The following SMAD4 variants were observed in gnomAD, a reference collection of about 807,000 sequenced individuals.
SMAD4 encodes SMAD family member 4.
A neutral mutation model predicts 63.2 loss-of-function variants in SMAD4; 7 were observed. The observed-to-expected ratio is 0.11, with a 90% confidence interval of 0.06 to 0.21. SMAD4 has a LOEUF of 0.21. SMAD4 is among the 10% of genes least tolerant of loss of function. The pLI, the probability that SMAD4 is intolerant of heterozygous loss-of-function variation, is 1.00. For synonymous variants in SMAD4, 215 were observed against 235.4 expected, an observed-to-expected ratio of 0.91 and a Z score of 0.79; for missense variants, 312 against 693.8, an observed-to-expected ratio of 0.45 and a Z score of 6.18.
intron 1 of SMAD4, among the ~76,000 whole-genome samples, chr18:51,034,211 TC>T (rs1287302275): frequency 1.4e-5 from 2 of 142,934 alleles, no homozygotes; most frequent in Non-Finnish European, 3.1e-5. Context: ...TCTCCCTCCC[TC>T]CCTCCCTTTC....
At chr18:51,061,600 G>T (rs115914439) in intron 8 of SMAD4, among the ~76,000 whole-genome samples, 8 of 152,052 alleles carry the variant, frequency 5.3e-5, no homozygotes, top group African/African-American at 1.9e-4. Context: ...TAAGCATACC[G>T]GAATAATACA....
intron 1 of SMAD4, among the ~76,000 whole-genome samples, chr18:51,038,298 G>A (rs985323789): frequency 3.3e-5 from 5 of 151,672 alleles, no homozygotes; most frequent in Non-Finnish European, 7.4e-5. Context: ...GGGAAGATCT[G>A]TGTAACTCAT....
intron 5 of SMAD4, 74 bp downstream of exon 5, chr18:51,055,067 G>C: frequency 9.2e-7 from 1 of 1,091,828 alleles, no homozygotes; most frequent in Non-Finnish European, 1.4e-6. Flanking sequence ...TAGTCACTTG[G>C]GGGGAAACTC....
chr18:51,053,461 A>G (rs1281379022), intron 4 of SMAD4: 1 of 151,966 alleles, frequency 6.6e-6, no homozygotes, highest in East Asian at 1.9e-4. Context: ...AGTTTTTTTT[A>G]TTGATACATA....
chr18:51,058,094 G>A (rs780675019), intron 5 of SMAD4, 31 bp from the exon 6 acceptor site: 1 of 1,609,942 alleles, frequency 6.2e-7, no homozygotes, highest in Non-Finnish European at 8.5e-7. Flanking sequence ...ATCTATGAAT[G>A]TACCATGTTA....
chr18:51,064,980 T>C (rs971162140), intron 8 of SMAD4, among the ~76,000 whole-genome samples: 2 of 152,208 alleles, frequency 1.3e-5, no homozygotes, highest in Non-Finnish European at 2.9e-5. Context: ...CATCTTAGGG[T>C]CAGTGTGTTT....
At position 51,067,180 on chromosome 18, in the gene SMAD4, A is replaced by T. The variant is rs780610518; in HGVS notation, c.1301A>T (p.Tyr434Phe). 1 of 1,565,978 alleles carries T rather than the reference A, an allele frequency of 6.4e-7. No individual in the cohort carries two copies. The highest frequency in any genetic ancestry group is 1.7e-5 in the Admixed American group (1 of 59,934). ...DAVHKIYPSA[Y>F]IKVFDLRQCH... ...GTTCATAAGATCTACCCAAGTGCATATATAAAGGTTAGTTACAATTTTATT... is the reference window on the plus strand; with the variant it reads ...GTTCATAAGATCTACCCAAGTGCATTTATAAAGGTTAGTTACAATTTTATT... Residue 434 changes from tyrosine (Y) to phenylalanine (F), a missense_variant, in exon 10 of 12, where the codon TAT becomes TTT. Tyr to Phe is a conservative substitution (Grantham distance 22). Coordinates refer to ENST00000342988, the MANE Select transcript of SMAD4 (RefSeq NM_005359.6).
At chr18:51,040,143 T>C (rs1042612789) in intron 1 of SMAD4, among the ~76,000 whole-genome samples, 1 of 152,098 alleles carries the variant, frequency 6.6e-6, no homozygotes, top group Non-Finnish European at 1.5e-5. Context: ...TTAAGCACTT[T>C]TGCGCCGGGC....
chr18:51,043,500 C>G (rs8089558), intron 1 of SMAD4, among the ~76,000 whole-genome samples: 1,526 of 152,262 alleles, frequency 0.01, 27 homozygotes, highest in African/African-American at 0.034. Context: ...TACCATACTT[C>G]CATAATCTAG....
chr18:51,047,303 T>G lies in SMAD4; in HGVS notation c.249+8T>G, dbSNP rs759197188. On this transcript the variant is annotated splice_region_variant and intron_variant, in intron 2 of 11. Transcript: ENST00000342988. Reference sequence around the variant, plus strand: ...TTGGATGGGAGGCTTCAGGTTAGTCTTATAAGAGTTTTTCTATACCCTCTA... The same window carrying G: ...TTGGATGGGAGGCTTCAGGTTAGTCGTATAAGAGTTTTTCTATACCCTCTA... The G allele has an allele frequency of 1.2e-6, 2 of 1,610,336 alleles. No individual in the cohort carries two copies. The highest frequency in any genetic ancestry group is 1.7e-6 in the Non-Finnish European group (2 of 1,177,666).
At chr18:51,047,820 G>T (rs1909592032) in intron 2 of SMAD4, among the ~76,000 whole-genome samples, 1 of 152,114 alleles carries the variant, frequency 6.6e-6, no homozygotes, top group Non-Finnish European at 1.5e-5. Flanking sequence ...TGTTGGTCAG[G>T]CTGGTCTTGA....
At chr18:51,045,327 T>C (rs1344972943) in intron 1 of SMAD4, among the ~76,000 whole-genome samples, 1 of 152,148 alleles carries the variant, frequency 6.6e-6, no homozygotes. Context: ...AGGATTCAAG[T>C]ATGCAGTAAA....
In SMAD4 at chr18:51,079,808, ATTT is replaced by A. The variant is rs962221184; in HGVS notation, c.*1349_*1351del. On this transcript the variant is annotated 3_prime_UTR_variant, in exon 12 of 12. Transcript: ENST00000342988. The stretch of plus-strand genomic sequence containing the variant: ...TTGAATTCTAGGTTTGATTTTTAAG[ATTT>A]TTTTTTTCTTTTGCACTTTTGAGTC... 8.8e-6 allele frequency: 2 copies of A among 226,398 alleles called. No individual in the cohort carries two copies. Among genetic ancestry groups the A allele is most frequent in the Non-Finnish European group, 1.7e-5 (2 of 114,414 alleles). The allele number at this position is 226,398 out of a possible 1,614,324, so 14.0% of individuals were successfully genotyped here. A position where few individuals can be genotyped will look rare whatever the true frequency, so the allele number is the denominator to read the frequency against.
rs199667858 is a variant in SMAD4 at position 51,066,415 on chromosome 18, AT to A, written c.1140-600del. Among the ~76,000 whole-genome samples, 510 of 152,138 alleles carry A rather than the reference AT, an allele frequency of 3.4e-3. 6 individuals carry two copies. The East Asian group carries it at 0.042, about 13-fold the overall frequency. ...CAGTGAAATATTACAGGAACATTCCATTTTAGCTACTGTATGATCTCGGCTT... is the reference window on the plus strand; with the variant it reads ...CAGTGAAATATTACAGGAACATTCCATTTAGCTACTGTATGATCTCGGCTT... On this transcript the variant is annotated intron_variant, in intron 9 of 11. Coordinates refer to ENST00000342988, the MANE Select transcript of SMAD4 (RefSeq NM_005359.6).
intron 1 of SMAD4, among the ~76,000 whole-genome samples, chr18:51,045,233 T>C (rs1406483772): frequency 6.6e-6 from 1 of 152,212 alleles, no homozygotes; most frequent in Admixed American, 6.5e-5. Context: ...TTGAGTGGAA[T>C]TGATACTTTA....
At chr18:51,058,039 A>G in intron 5 of SMAD4, 86 bp from the exon 6 acceptor site, 1 of 1,485,252 alleles carries the variant, frequency 6.7e-7, no homozygotes, top group Non-Finnish European at 9.4e-7. Flanking sequence ...GTGCATTATC[A>G]GATAAAATTG....
rs957141182 is a variant in SMAD4, at chr18:51,080,320, T to C, written c.*1853T>C. ...CTTATCTACCACCTCATTTGTACTC[T>C]TGATTACTTACAAATTCTTTCAGTA... On this transcript the variant is annotated 3_prime_UTR_variant, in exon 12 of 12. Transcript: ENST00000342988. 12 of 232,032 alleles carry C rather than the reference T, an allele frequency of 5.2e-5. No individual in the cohort carries two copies. The highest frequency in any genetic ancestry group is 1.1e-4 in the Admixed American group (2 of 17,758). 14.4% of individuals were successfully genotyped at this position (232,032 alleles called of 1,614,324 possible).
At position 51,076,788 on chromosome 18, in the gene SMAD4, T is replaced by C; in HGVS notation, c.1447+12T>C. 1 of 1,587,230 alleles carries C rather than the reference T, an allele frequency of 6.3e-7. No homozygotes were observed. The highest frequency in any genetic ancestry group is 8.6e-7 in the Non-Finnish European group (1 of 1,161,690). On this transcript the variant is annotated intron_variant, in intron 11 of 11. Transcript: ENST00000342988. The stretch of plus-strand genomic sequence containing the variant: ...AGCTCCAGCTATCAGTAAGTATGCT[T>C]TTCATTCTTTTTTAAAGGTATAATA...
chr18:51,061,729 A>T (rs553961519), intron 8 of SMAD4, among the ~76,000 whole-genome samples: 3 of 152,178 alleles, frequency 2.0e-5, no homozygotes, highest in Admixed American at 6.5e-5. Context: ...CAAATCCTAT[A>T]TTAGTTTTAT....
Sources: allele counts gnomAD v4.1 joint callset (sites outside exome capture counted in the v4.1 genomes callset), GRCh38; gene constraint gnomAD v4.1.1; transcripts MANE v1.5; gene names NCBI Gene and HGNC (gene_info 2026-07-23, HGNC 2026-07-21).